The following DLG2 variants were observed in gnomAD, a reference collection of about 807,000 sequenced individuals.
DLG2 encodes the protein discs large MAGUK scaffold protein 2, also known as disks large homolog 2.
A neutral mutation model predicts 132.5 loss-of-function variants in DLG2; 45 were observed. The observed-to-expected ratio is 0.34, with a 90% CI of 0.27 to 0.44. The LOEUF (loss-of-function observed/expected upper bound fraction) is 0.44. DLG2 is among the 20% of genes least tolerant of loss of function. The probability of loss-of-function intolerance (pLI) is 1.00; values close to 1 mark genes in which losing one functional copy is unlikely to be tolerated. For synonymous variants in DLG2, 424 were observed against 419.6 expected, an observed-to-expected ratio of 1.01 and a Z score of -0.13; for missense variants, 1,045 against 1,196.9, an observed-to-expected ratio of 0.87 and a Z score of 1.87.
chr11:84,965,291 G>C (rs2053164891), intron 6 of DLG2, among the ~76,000 whole-genome samples: 1 of 152,152 alleles, frequency 6.6e-6, no homozygotes, highest in Middle Eastern at 3.4e-3. Flanking sequence ...GTGTGTGTGT[G>C]TGTGCACGGT....
At chr11:84,131,998 TAAAC>T (rs1170785337) in intron 9 of DLG2, among the ~76,000 whole-genome samples, 2 of 151,758 alleles carry the variant, frequency 1.3e-5, no homozygotes, top group South Asian at 2.1e-4. Flanking sequence ...CACACACAAA[TAAAC>T]AAAAGCACAA....
chr11:85,568,543 G>A (rs1301396961), intron 3 of DLG2, among the ~76,000 whole-genome samples: 3 of 152,114 alleles, frequency 2.0e-5, no homozygotes, highest in Non-Finnish European at 4.4e-5. Flanking sequence ...AAGCCATCTG[G>A]TGCTGGGTTT....
chr11:83,550,522 C>G (rs890203875), intron 19 of DLG2, among the ~76,000 whole-genome samples: 1 of 152,258 alleles, frequency 6.6e-6, no homozygotes, highest in Non-Finnish European at 1.5e-5. Flanking sequence ...AGTCTCTTAT[C>G]TGAGGGAAAC....
At chr11:84,529,946 C>A (rs2099331134) in intron 7 of DLG2, among the ~76,000 whole-genome samples, 2 of 152,176 alleles carry the variant, frequency 1.3e-5, no homozygotes, top group Middle Eastern at 3.4e-3. Context: ...AAAACAGACA[C>A]AAAGACCAAG....
At chr11:84,893,094 G>T (rs190530003) in intron 6 of DLG2, among the ~76,000 whole-genome samples, 2 of 152,058 alleles carry the variant, frequency 1.3e-5, no homozygotes, top group African/African-American at 2.4e-5. Context: ...AATTTTAAGC[G>T]CTTAGCATAT....
chr11:84,278,946 G>T (rs371797943), intron 7 of DLG2, among the ~76,000 whole-genome samples: 1 of 152,082 alleles, frequency 6.6e-6, no homozygotes, highest in East Asian at 1.9e-4. Flanking sequence ...AAAAGTAATG[G>T]CAACAAAAGC....
chr11:84,152,782 C>T (rs1566726522), intron 9 of DLG2, among the ~76,000 whole-genome samples: 1 of 152,144 alleles, frequency 6.6e-6, no homozygotes, highest in Non-Finnish European at 1.5e-5. Context: ...CTTGAAGACA[C>T]TTGGGTCTTG....
intron 6 of DLG2, among the ~76,000 whole-genome samples, chr11:84,965,430 G>A (rs1235858508): frequency 6.6e-6 from 1 of 152,086 alleles, no homozygotes; most frequent in Non-Finnish European, 1.5e-5. Flanking sequence ...CAGCCTTGGT[G>A]AACACCAAAC....
chr11:84,467,622 TAAG>T (rs1483894714), intron 7 of DLG2, among the ~76,000 whole-genome samples: 1 of 151,224 alleles, frequency 6.6e-6, no homozygotes, highest in East Asian at 1.9e-4. Context: ...ACCAAACAAA[TAAG>T]AACCAAATGA....
chr11:85,273,969 G>A (rs1311089112), intron 4 of DLG2, among the ~76,000 whole-genome samples: 1 of 152,286 alleles, frequency 6.6e-6, no homozygotes, highest in East Asian at 1.9e-4. Context: ...CATGGATGAA[G>A]CTGGAAACCA....
At chr11:84,813,873 C>T (rs1010089627) in intron 6 of DLG2, among the ~76,000 whole-genome samples, 1 of 152,100 alleles carries the variant, frequency 6.6e-6, no homozygotes, top group Admixed American at 6.6e-5. Flanking sequence ...TCCCTCTACA[C>T]CTCTCACTGG....
chr11:84,307,455 C>T (rs1213789076), intron 7 of DLG2, among the ~76,000 whole-genome samples: 2 of 151,984 alleles, frequency 1.3e-5, no homozygotes, highest in African/African-American at 2.4e-5. Context: ...AGAATGAAGC[C>T]GCAGGCCAAG....
At chr11:84,821,655 A>G (rs1364067042) in intron 6 of DLG2, among the ~76,000 whole-genome samples, 11 of 151,264 alleles carry the variant, frequency 7.3e-5, no homozygotes, top group African/African-American at 2.4e-4. Context: ...CAACAACAAA[A>G]AAAACAAAAA....
intron 7 of DLG2, among the ~76,000 whole-genome samples, chr11:84,516,950 A>C (rs1009272583): frequency 6.7e-6 from 1 of 149,652 alleles, no homozygotes; most frequent in African/African-American, 2.4e-5. Context: ...AAGAAAACCT[A>C]GGGGAAAAGA....
chr11:83,851,722 C>G (rs2059811999), intron 16 of DLG2, among the ~76,000 whole-genome samples: 2 of 150,868 alleles, frequency 1.3e-5, no homozygotes, highest in African/African-American at 4.9e-5. Context: ...GAGTTCAAGA[C>G]CAGCCTGGCC....
chr11:85,068,299 A>G (rs2065246244), intron 6 of DLG2, among the ~76,000 whole-genome samples: 1 of 152,144 alleles, frequency 6.6e-6, no homozygotes, highest in Admixed American at 6.6e-5. Flanking sequence ...AGTTCTGGCC[A>G]GGGCAATCAG....
chr11:84,502,258 C>T (rs368142249), intron 7 of DLG2, among the ~76,000 whole-genome samples: 1 of 44,888 alleles, frequency 2.2e-5, no homozygotes, highest in Non-Finnish European at 3.8e-5. Flanking sequence ...TTCCTTCCTT[C>T]CTTCCTTCCT....
intron 6 of DLG2, among the ~76,000 whole-genome samples, chr11:84,677,373 C>T (rs558112019): frequency 3.3e-5 from 5 of 151,932 alleles, no homozygotes; most frequent in African/African-American, 4.8e-5. Context: ...AGAGTTATTA[C>T]CTAAATCCTG....
intron 7 of DLG2, among the ~76,000 whole-genome samples, chr11:84,288,194 C>A (rs2154374172): frequency 6.6e-6 from 1 of 151,900 alleles, no homozygotes; most frequent in South Asian, 2.1e-4. Context: ...TTTTCTCTCT[C>A]ATAAATTGTG....
Sources: allele counts gnomAD v4.1 joint callset (sites outside exome capture counted in the v4.1 genomes callset), GRCh38; gene constraint gnomAD v4.1.1; transcripts MANE v1.5; gene names NCBI Gene and HGNC (gene_info 2026-07-23, HGNC 2026-07-21).